The following SEMA4C variants were observed in gnomAD, a reference collection of about 807,000 sequenced individuals.
The protein encoded by SEMA4C is semaphorin-4C.
Under a neutral mutation model 89.0 loss-of-function variants are expected in SEMA4C, and 19 were observed. That is an observed-to-expected ratio of 0.21 (90% CI 0.15 to 0.31). SEMA4C has a LOEUF of 0.31. SEMA4C is among the 10% of genes least tolerant of loss of function. SEMA4C has a pLI of 1.00. For missense variants in SEMA4C, 811 were observed against 1,107.0 expected, an observed-to-expected ratio of 0.73 and a Z score of 3.79; for synonymous variants, 428 against 472.7, an observed-to-expected ratio of 0.91 and a Z score of 1.23.
upstream of SEMA4C, chr2:96,870,773 G>A (rs2080181211): frequency 1.0e-6 from 1 of 985,154 alleles, no homozygotes; most frequent in Admixed American, 6.1e-5. Context: ...CAGATGAAAG[G>A]GGCTGTGGGG....
At chr2:96,866,141 AC>A (rs1309420720) in intron 3 of SEMA4C, 141 bp downstream of exon 3, 2 of 1,251,588 alleles carry the variant, frequency 1.6e-6, no homozygotes, top group East Asian at 4.7e-5. Flanking sequence ...CCGCATGCTG[AC>A]CCCAACCAGA....
Position 96,860,111 on chromosome 2 carries a change from C to CT in SEMA4C, c.*514dup, listed in dbSNP as rs1452672701. 6.5e-6 allele frequency: 1 copy of CT among 153,962 alleles called. No homozygotes were observed. Among genetic ancestry groups the CT allele is most frequent in the African/African-American group, 2.4e-5 (1 of 41,374 alleles). The allele number at this position is 153,962 out of a possible 1,614,324, so 9.5% of individuals were successfully genotyped here. A position where few individuals can be genotyped will look rare whatever the true frequency, so the allele number is the denominator to read the frequency against. On this transcript the variant is annotated 3_prime_UTR_variant, in exon 15 of 15. Coordinates refer to ENST00000305476, the MANE Select transcript of SEMA4C (RefSeq NM_017789.5). ...ACTCCCTCTGAAGGGGCACAGCACC[C>CT]TGTCCACCCCACCTCCATATGTACA...
At chr2:96,863,475 T>G in intron 12 of SEMA4C, 3 of 1,344,210 alleles carry the variant, frequency 2.2e-6, no homozygotes, top group Non-Finnish European at 1.9e-6. Flanking sequence ...CTATATATAA[T>G]GGCCCTGTGC....
intron 1 of SEMA4C, among the ~76,000 whole-genome samples, chr2:96,868,254 C>T (rs1165164025): frequency 6.6e-6 from 1 of 152,258 alleles, no homozygotes; most frequent in Non-Finnish European, 1.5e-5. Context: ...CATACACACT[C>T]AGGCCTAAGA....
chr2:96,865,377 C>T, intron 6 of SEMA4C, 57 bp from the exon 7 acceptor site: 11 of 1,611,816 alleles, frequency 6.8e-6, no homozygotes, highest in Non-Finnish European at 9.3e-6. Flanking sequence ...ATCCGGCCAA[C>T]ACAGACCCAA....
chr2:96,863,977 G>A lies in SEMA4C; in HGVS notation c.1279C>T (p.Arg427Trp), dbSNP rs1177775323. 7 of 1,613,512 alleles carry A rather than the reference G, an allele frequency of 4.3e-6. No homozygotes were observed. Among genetic ancestry groups the A allele is most frequent in the Admixed American group, 1.7e-5 (1 of 60,020 alleles). ...GTGGCTCCATCAAGTCCTGTAACCC[G>A]GTCGGCCACCAGGTGGGTGAAGTTG... ...GTNFTHLVAD[R>W]VTGLDGATYT... The change falls in exon 11 of 15, where the codon CGG (arginine) becomes TGG (tryptophan). Residue 427 changes from arginine to tryptophan, a missense_variant. Physicochemically the swap from Arg to Trp is moderately radical, Grantham distance 101 (BLOSUM62 -3). Around this residue, in one of 4 missense-constraint regions of SEMA4C, gnomAD observed 441 missense variants for 664.9 expected, o/e 0.66. Coordinates refer to ENST00000305476, the MANE Select transcript of SEMA4C (RefSeq NM_017789.5).
At position 96,864,125 on chromosome 2, in the gene SEMA4C, G is replaced by A; in HGVS notation, c.1131C>T (p.Arg377=). The A allele has an allele frequency of 1.2e-6, 2 of 1,612,836 alleles. No homozygotes were observed. Among genetic ancestry groups the A allele is most frequent in the Non-Finnish European group, 1.7e-6 (2 of 1,179,982 alleles). ...PGSCINNWHR[R]HGYTSSLELP... ...GCTCCAGGGAGCTGGTGTAGCCGTGGCGCCGATGCCAGTTGTTAATGCACT... is the reference window on the plus strand; with the variant it reads ...GCTCCAGGGAGCTGGTGTAGCCGTGACGCCGATGCCAGTTGTTAATGCACT... Residue 377 remains arginine, a synonymous_variant, in exon 11 of 15, where the codon CGC becomes CGT. Transcript: ENST00000305476. The surrounding 1 kb of genome is among the most constrained non-coding windows in gnomAD (Gnocchi z 6.3).
chr2:96,863,047 AAAAC>A (rs2079987909), intron 12 of SEMA4C: 1 of 167,038 alleles, frequency 6.0e-6, no homozygotes, highest in Non-Finnish European at 1.2e-5. Flanking sequence ...AACAAAAACA[AAAAC>A]AAAAAACCTT....
At chr2:96,868,617 A>G in intron 1 of SEMA4C, 2 of 985,576 alleles carry the variant, frequency 2.0e-6, no homozygotes, top group South Asian at 9.4e-5. Context: ...ATGGGCGTGG[A>G]AATGACCAGG....
At chr2:96,869,189 G>C in intron 1 of SEMA4C, 1 of 985,382 alleles carries the variant, frequency 1.0e-6, no homozygotes, top group Non-Finnish European at 1.2e-6. Flanking sequence ...CTCCTTACCC[G>C]AGGATCGGGC....
Position 96,861,719 on chromosome 2 carries a change from A to G in SEMA4C, c.1601+18T>C. On this transcript the variant is annotated intron_variant, in intron 13 of 14. Coordinates refer to ENST00000305476, the MANE Select transcript of SEMA4C (RefSeq NM_017789.5). The surrounding 1 kb of genome is among the most constrained non-coding windows in gnomAD (Gnocchi z 7.8). ...CCTGAGTCCCTGGAGGTCCTGGCCT[A>G]TGTAGAGCCCAACTCACCCAGAGTG... The G allele has an allele frequency of 6.2e-7, 1 of 1,612,692 alleles. No individual in the cohort carries two copies. The highest frequency in any genetic ancestry group is 8.5e-7 in the Non-Finnish European group (1 of 1,179,198).
At position 96,860,426 on chromosome 2, in the gene SEMA4C, C is replaced by T. The variant is rs1294005501; in HGVS notation, c.*200G>A. 2.8e-5 allele frequency: 15 copies of T among 540,380 alleles called. No homozygotes were observed. Among genetic ancestry groups the T allele is most frequent in the South Asian group, 1.5e-4 (5 of 32,696 alleles). The allele number at this position is 540,380 out of a possible 1,614,324, so 33.5% of individuals were successfully genotyped here. A position where few individuals can be genotyped will look rare whatever the true frequency, so the allele number is the denominator to read the frequency against. On this transcript the variant is annotated 3_prime_UTR_variant, in exon 15 of 15. Coordinates refer to ENST00000305476, the MANE Select transcript of SEMA4C (RefSeq NM_017789.5). Reference sequence around the variant, plus strand: ...ACAGAGAGGAGGAAGATGCCTTCTGCGAGGCTGGTGCCCTGGTGAGCCACA... The same window carrying T: ...ACAGAGAGGAGGAAGATGCCTTCTGTGAGGCTGGTGCCCTGGTGAGCCACA...
Position 96,864,846 on chromosome 2 carries a change from T to C in SEMA4C, c.821A>G (p.Lys274Arg). The change falls in exon 9 of 15, where the codon AAG becomes AGG. Residue 274 changes from lysine to arginine, a missense_variant. Transcript: ENST00000305476. The surrounding 1 kb of genome is among the most constrained non-coding windows in gnomAD (Gnocchi z 6.3). ...CCGCGCCTTCAGGAACGTGGTCCAC[T>C]TCCTCTGCAGGGTCCGTGCGCCCCC... Reference protein sequence around the residue: ...DMGGARTLQRKWTTFLKARLA... With the variant: ...DMGGARTLQRRWTTFLKARLA... 6.2e-7 allele frequency: 1 copy of C among 1,613,650 alleles called. No homozygotes were observed.
chr2:96,861,063 G>A lies in SEMA4C; in HGVS notation c.2065C>T (p.Arg689Trp), dbSNP rs866507022. 2 of 1,612,746 alleles carry A rather than the reference G, an allele frequency of 1.2e-6. No homozygotes were observed. Among genetic ancestry groups the A allele is most frequent in the East Asian group, 2.2e-5 (1 of 44,882 alleles). Residue 689 changes from arginine to tryptophan, a missense_variant, in exon 15 of 15, where the codon CGG becomes TGG. This residue lies in a region of SEMA4C where 248 missense variants were observed against 269.0 expected (regional missense o/e 0.92). Transcript: ENST00000305476. The surrounding 1 kb of genome is among the most constrained non-coding windows in gnomAD (Gnocchi z 7.8). ...LLLLVLSLRR[R>W]LREELEKGAK... ...CCTTTCTCCAGCTCTTCCCGCAGCC[G>A]CCGGCGCAATGACAGCACCAGCAGC...
chr2:96,860,005 A>C lies in SEMA4C; in HGVS notation c.*621T>G, dbSNP rs1574140216. The C allele has an allele frequency of 4.1e-5, 4 of 97,190 alleles. No homozygotes were observed. Among genetic ancestry groups the C allele is most frequent in the South Asian group, 4.1e-4 (1 of 2,468 alleles). The allele number at this position is 97,190 out of a possible 1,614,324, so 6.0% of individuals were successfully genotyped here. On this transcript the variant is annotated 3_prime_UTR_variant, in exon 15 of 15. Transcript: ENST00000305476. Reference sequence around the variant, plus strand: ...CCCACCCACCCTTCCCCCCAAACACACAGGAGGCTCCATCTCCCTCCCCCC... The same window carrying C: ...CCCACCCACCCTTCCCCCCAAACACCCAGGAGGCTCCATCTCCCTCCCCCC...
chr2:96,868,722 C>G, intron 1 of SEMA4C: 6 of 956,738 alleles, frequency 6.3e-6, no homozygotes, highest in Non-Finnish European at 7.4e-6. Flanking sequence ...TCGGGGACTC[C>G]GGCGGCGCGC....
At position 96,865,930 on chromosome 2, in the gene SEMA4C, C is replaced by G; in HGVS notation, c.259-1G>C. 3 of 1,613,960 alleles carry G rather than the reference C, an allele frequency of 1.9e-6. No homozygotes were observed. Among genetic ancestry groups the G allele is most frequent in the Non-Finnish European group, 2.5e-6 (3 of 1,179,976 alleles). ...TCTCCACGGGGGCCTCCCAGGAGAT[C>G]TGGGGAAAGGGAAGGGGATGTCAGC... On this transcript the variant is annotated splice_acceptor_variant, in intron 3 of 14. Transcript: ENST00000305476. LOFTEE classifies it high-confidence loss of function.
In SEMA4C at chr2:96,860,750, T is replaced by C. The variant is rs968692400; in HGVS notation, c.2378A>G (p.Gln793Arg). Residue 793 changes from glutamine (Q) to arginine (R), a missense_variant, in exon 15 of 15, where the codon CAA becomes CGA. Gln to Arg is a conservative substitution (Grantham distance 43). Coordinates refer to ENST00000305476, the MANE Select transcript of SEMA4C (RefSeq NM_017789.5). ...NSNANGYVRL[Q>R]LGGEDRGGLG... ...CCCTCCCCGGTCCTCCCCTCCTAGT[T>C]GTAAGCGCACGTAACCATTGGCATT... 2 of 1,613,664 alleles carry C rather than the reference T, an allele frequency of 1.2e-6. No individual in the cohort carries two copies. Among genetic ancestry groups the C allele is most frequent in the Admixed American group, 3.3e-5 (2 of 59,978 alleles).
At position 96,861,073 on chromosome 2, in the gene SEMA4C, T is replaced by C. The variant is rs747621763; in HGVS notation, c.2055A>G (p.Ser685=). Residue 685 remains serine, a synonymous_variant, in exon 15 of 15, where the codon TCA becomes TCG. Transcript: ENST00000305476. This position sits in a 1 kb window ranked among gnomAD's most constrained non-coding sequence, Gnocchi z 7.8. ...GCTCTTCCCGCAGCCGCCGGCGCAA[T>C]GACAGCACCAGCAGCAGCAGCACCA... The part of the protein sequence containing the change: ...VCLVLLLLVL[S]LRRRLREELE... 2 of 1,612,628 alleles carry C rather than the reference T, an allele frequency of 1.2e-6. No individual in the cohort carries two copies. Among genetic ancestry groups the C allele is most frequent in the South Asian group, 1.1e-5 (1 of 91,070 alleles).
Sources: gnomAD v4.1 joint callset for allele counts (sites outside exome capture counted in the v4.1 genomes callset) on GRCh38, gnomAD v4.1.1 for gene constraint, gnomAD v4.1.1 regional missense constraint, Gnocchi (gnomAD v3.1) non-coding constraint, MANE v1.5 for transcripts, NCBI Gene and HGNC (gene_info 2026-07-23, HGNC 2026-07-21) for gene names.